The following PPIL2 variants were observed in gnomAD, a reference collection of about 807,000 sequenced individuals.
The protein encoded by PPIL2 is peptidylprolyl isomerase like 2.
A neutral mutation model predicts 75.2 loss-of-function variants in PPIL2; 50 were observed. That is an observed-to-expected ratio of 0.66 (90% CI 0.53 to 0.84). The LOEUF is 0.84. PPIL2 is among the 40% of genes least tolerant of loss of function. The pLI is 0.00. For missense variants in PPIL2, 590 were observed against 685.0 expected (o/e 0.86, Z 1.55); for synonymous variants, 245 against 258.8 (o/e 0.95, Z 0.51).
chr22:21,694,008 C>G, intron 16 of PPIL2, 136 bp downstream of exon 16: 2 of 965,582 alleles, frequency 2.1e-6, no homozygotes, highest in South Asian at 1.5e-5. Flanking sequence ...GGGGTTGAGG[C>G]TATGCAGAGC....
chr22:21,677,970 A>G (rs1280926374), intron 6 of PPIL2, among the ~76,000 whole-genome samples: 1 of 152,162 alleles, frequency 6.6e-6, no homozygotes, highest in African/African-American at 2.4e-5. Context: ...GCCAGTGCAA[A>G]GACCCTGAGG....
At chr22:21,686,831 C>T in intron 11 of PPIL2, 61 bp from the exon 12 acceptor site, 2 of 1,515,760 alleles carry the variant, frequency 1.3e-6, no homozygotes, top group South Asian at 2.3e-5. Context: ...TCGGTGCTGC[C>T]TGGCATGGTG....
At chr22:21,673,176 T>A (rs1431323577) in intron 5 of PPIL2, among the ~76,000 whole-genome samples, 2 of 152,178 alleles carry the variant, frequency 1.3e-5, no homozygotes, top group Non-Finnish European at 2.9e-5. Context: ...CTCACCTCCT[T>A]AGGGAGGGCA....
At chr22:21,676,684 G>T (rs2066876966) in intron 6 of PPIL2, among the ~76,000 whole-genome samples, 1 of 143,446 alleles carries the variant, frequency 7.0e-6, no homozygotes, top group Non-Finnish European at 1.5e-5. Flanking sequence ...TGGGGGTAAG[G>T]TCATAGATCA....
At chr22:21,682,353 G>A in intron 7 of PPIL2, 84 bp from the exon 8 acceptor site, 2 of 1,198,718 alleles carry the variant, frequency 1.7e-6, no homozygotes, top group Non-Finnish European at 2.5e-6. Flanking sequence ...CCATGGTCGG[G>A]GCCAGCTCCA....
intron 1 of PPIL2, 117 bp from the exon 2 acceptor site, chr22:21,669,796 G>T: frequency 1.8e-6 from 2 of 1,100,196 alleles, no homozygotes; most frequent in Non-Finnish European, 1.4e-6. Flanking sequence ...CACCGTGCCC[G>T]CCCCATAGTA....
chr22:21,697,258 G>C lies in PPIL2; in HGVS notation c.*1768G>C. 1 of 471,840 alleles carries C rather than the reference G, an allele frequency of 2.1e-6. No homozygotes were observed. The highest frequency in any genetic ancestry group is 3.8e-6 in the Non-Finnish European group (1 of 260,618). 29.2% of individuals were successfully genotyped at this position (471,840 alleles called of 1,614,324 possible). ...CCTCTGAGCCAGCGTCCAGGGTACA[G>C]GTGCGGGTGGTGGGGATGAAGGCCT... On this transcript the variant is annotated 3_prime_UTR_variant, in exon 20 of 20. Transcript: ENST00000398831.
At chr22:21,693,563 A>C (rs2067777281) in intron 15 of PPIL2, among the ~76,000 whole-genome samples, 1 of 152,196 alleles carries the variant, frequency 6.6e-6, no homozygotes, top group African/African-American at 2.4e-5. Flanking sequence ...GGACCACCTG[A>C]CAGGCAGTGG....
At chr22:21,670,934 C>T in intron 3 of PPIL2, 63 bp from the exon 4 acceptor site, 1 of 1,483,598 alleles carries the variant, frequency 6.7e-7, no homozygotes, top group Admixed American at 1.7e-5. Context: ...ATGCCAGTCT[C>T]AGCCAGCCCA....
In PPIL2 at chr22:21,695,383, T is replaced by C; in HGVS notation, c.1467-11T>C. 1.3e-6 allele frequency: 2 copies of C among 1,597,888 alleles called. No homozygotes were observed. The highest frequency in any genetic ancestry group is 1.1e-5 in the South Asian group (1 of 88,450). On this transcript the variant is annotated splice_polypyrimidine_tract_variant and intron_variant, in intron 19 of 19. Coordinates refer to ENST00000398831, the MANE Select transcript of PPIL2 (RefSeq NM_014337.4). ...AGGGTGTGGGCTCCCAGCGGCTTCT[T>C]CTCTTCCCAGGAAGCGAGCAGCAGA...
Position 21,696,545 on chromosome 22 carries a change from C to G in PPIL2, c.*1055C>G, listed in dbSNP as rs2148585853. On this transcript the variant is annotated 3_prime_UTR_variant, in exon 20 of 20. Transcript: ENST00000398831. ...CCCCCATTTTTCTGTTAAATGTGCC[C>G]CTGGCTGGCTTTTTCTTCGTCTTCA... is the stretch of plus-strand genomic sequence containing the variant. 6 of 1,370,502 alleles carry G rather than the reference C, an allele frequency of 4.4e-6. No individual in the cohort carries two copies. Among genetic ancestry groups the G allele is most frequent in the Non-Finnish European group, 4.7e-6 (5 of 1,059,662 alleles). The allele number at this position is 1,370,502 out of a possible 1,614,324, so 84.9% of individuals were successfully genotyped here.
At chr22:21,679,940 T>G (rs1048712319) in intron 6 of PPIL2, among the ~76,000 whole-genome samples, 1 of 151,546 alleles carries the variant, frequency 6.6e-6, no homozygotes, top group Admixed American at 6.6e-5. Context: ...ATACAAAAAA[T>G]TAGCCGGGCA....
At chr22:21,667,765 ATTTTTTTT>A (rs55832180) in intron 1 of PPIL2, among the ~76,000 whole-genome samples, 100 of 69,874 alleles carry the variant, frequency 1.4e-3, no homozygotes, top group Middle Eastern at 0.017. Context: ...GACATCTCAA[ATTTTTTTT>A]TTTTTTTTTT....
chr22:21,669,448 C>G (rs750039698), intron 1 of PPIL2: 17 of 417,878 alleles, frequency 4.1e-5, no homozygotes, highest in South Asian at 2.5e-4. Flanking sequence ...TGTGCCTGGT[C>G]TCCATGTCTG....
rs965082813 is a variant in PPIL2, at chr22:21,697,182, G to A, written c.*1692G>A. On this transcript the variant is annotated 3_prime_UTR_variant, in exon 20 of 20. Coordinates refer to ENST00000398831, the MANE Select transcript of PPIL2 (RefSeq NM_014337.4). ...CAGACACCAAGCTGGGCCTGCAGAG[G>A]AGGGGCACAGTAGGACACAGTGACT... 6 of 619,436 alleles carry A rather than the reference G, an allele frequency of 9.7e-6. No individual in the cohort carries two copies. Among genetic ancestry groups the A allele is most frequent in the East Asian group, 5.6e-5 (2 of 35,524 alleles). The allele number at this position is 619,436 out of a possible 1,614,324, so 38.4% of individuals were successfully genotyped here.
chr22:21,669,417 G>A (rs1314497557), intron 1 of PPIL2: 20 of 444,534 alleles, frequency 4.5e-5, no homozygotes, highest in South Asian at 3.2e-4. Context: ...CCAAACTGTT[G>A]GGATTATAGG....
Position 21,686,947 on chromosome 22 carries a change from G to A in PPIL2, c.846G>A (p.Val282=). The change falls in exon 12 of 20, where the codon GTG becomes GTA. Residue 282 remains valine (V), a synonymous_variant. Transcript: ENST00000398831. The part of the protein sequence containing the change: ...RYQFVKKKGY[V]RLHTNKGDLN... ...AGTTTGTGAAGAAGAAGGGCTACGT[G>A]CGGCTGCACACCAACAAGGGCGACC... 6.2e-7 allele frequency: 1 copy of A among 1,614,096 alleles called. No homozygotes were observed. The highest frequency in any genetic ancestry group is 8.5e-7 in the Non-Finnish European group (1 of 1,180,014).
chr22:21,681,045 G>A lies in PPIL2; in HGVS notation c.296-254G>A, dbSNP rs777571479. On this transcript the variant is annotated intron_variant, in intron 6 of 19. Coordinates refer to ENST00000398831, the MANE Select transcript of PPIL2 (RefSeq NM_014337.4). Reference sequence around the variant, plus strand: ...CTAGCATGGTGATCACCCAGGGGTGGGCTGGAGGATCTGAGGAAGACGATG... The same window carrying A: ...CTAGCATGGTGATCACCCAGGGGTGAGCTGGAGGATCTGAGGAAGACGATG... Among the ~76,000 whole-genome samples the A allele has an allele frequency of 2.0e-5, 3 of 152,066 alleles. No individual in the cohort carries two copies. In the South Asian group the frequency reaches 6.2e-4, roughly 32 times the overall value.
chr22:21,697,153 G>A lies in PPIL2; in HGVS notation c.*1663G>A, dbSNP rs1013818513. 1 of 714,400 alleles carries A rather than the reference G, an allele frequency of 1.4e-6. No homozygotes were observed. The highest frequency in any genetic ancestry group is 1.9e-5 in the South Asian group (1 of 53,364). 44.3% of individuals were successfully genotyped at this position (714,400 alleles called of 1,614,324 possible). A position where few individuals can be genotyped will look rare whatever the true frequency, so the allele number is the denominator to read the frequency against. ...CCCTGGCAGTAACTGGCTTGTAAGAGGCTCAGACACCAAGCTGGGCCTGCA... is the reference window on the plus strand; with the variant it reads ...CCCTGGCAGTAACTGGCTTGTAAGAAGCTCAGACACCAAGCTGGGCCTGCA... On this transcript the variant is annotated 3_prime_UTR_variant, in exon 20 of 20. Transcript: ENST00000398831.
Sources: allele counts gnomAD v4.1 joint callset (sites outside exome capture counted in the v4.1 genomes callset), GRCh38; gene constraint gnomAD v4.1.1; transcripts MANE v1.5; gene names NCBI Gene and HGNC (gene_info 2026-07-23, HGNC 2026-07-21).